The following EARS2 variants were observed in gnomAD, a reference collection of about 807,000 sequenced individuals.
EARS2 encodes the protein glutamyl-tRNA synthetase 2, mitochondrial.
A neutral mutation model predicts 54.1 loss-of-function variants in EARS2; 50 were observed. That is an observed-to-expected ratio of 0.92 (90% CI 0.74 to 1.17). EARS2 has a LOEUF of 1.17. Among genes scored for constraint, EARS2 ranks in the 50% most tolerant of loss-of-function variants. The pLI is 0.00. For synonymous variants in EARS2, 298 were observed against 281.0 expected (o/e 1.06, Z -0.61); for missense variants, 673 against 675.0 (o/e 1.00, Z 0.03).
At position 23,529,597 on chromosome 16, in the gene EARS2, T is replaced by G; in HGVS notation, c.1257A>C (p.Pro419=). The G allele has an allele frequency of 6.2e-7, 1 of 1,614,118 alleles. No individual in the cohort carries two copies. Among genetic ancestry groups the G allele is most frequent in the East Asian group, 2.2e-5 (1 of 44,882 alleles). ...GGCGAGTCCACAGGTAAGAGTATAC[T>G]GGGGACACCAAGTCCTGCAGGCGGC... ...HICRLQDLVS[P]VYSYLWTRPA... The change falls in exon 7 of 9, where the codon CCA becomes CCC. Residue 419 remains proline, a synonymous_variant. Transcript: ENST00000449606.
chr16:23,557,073 G>A, intron 1 of EARS2, 132 bp downstream of exon 1: 1 of 1,341,854 alleles, frequency 7.5e-7, no homozygotes, highest in Non-Finnish European at 1.0e-6. Flanking sequence ...TCTGTAAAAT[G>A]GGCTCGCGCT....
intron 5 of EARS2, 163 bp from the exon 6 acceptor site, chr16:23,530,060 G>C (rs1965298990): frequency 5.7e-6 from 5 of 880,008 alleles, no homozygotes; most frequent in Non-Finnish European, 6.8e-6. Flanking sequence ...AAAAGAAAGG[G>C]ATGTGACTAA....
At chr16:23,529,687 A>C in intron 6 of EARS2, 55 bp from the exon 7 acceptor site, 1 of 1,612,730 alleles carries the variant, frequency 6.2e-7, no homozygotes, top group Non-Finnish European at 8.5e-7. Context: ...GGAAGGCAGG[A>C]GGAATTGAGG....
rs371317036 is a variant in EARS2, at chr16:23,525,228, C to T, written c.1488+16G>A. ...AGGGGCTCCAGGGAACAATCCAACC[C>T]GTGTCCCTGCCTCACCTGCTGTCCA... On this transcript the variant is annotated intron_variant, in intron 8 of 8. Coordinates refer to ENST00000449606, the MANE Select transcript of EARS2 (RefSeq NM_001083614.2). 37 of 1,613,976 alleles carry T rather than the reference C, an allele frequency of 2.3e-5. No individual in the cohort carries two copies. The highest frequency in any genetic ancestry group is 3.3e-4 in the Middle Eastern group (2 of 6,082).
chr16:23,550,817 G>C (rs1965682880), intron 2 of EARS2: 1 of 152,090 alleles, frequency 6.6e-6, no homozygotes, highest in Non-Finnish European at 1.5e-5. Flanking sequence ...AAATAGTCTT[G>C]GGGTTTTTCT....
In EARS2 at chr16:23,524,378, GA is replaced by G; in HGVS notation, c.1564del (p.Ser522ProfsTer47). 6.2e-7 allele frequency: 1 copy of G among 1,614,062 alleles called. No individual in the cohort carries two copies. The highest frequency in any genetic ancestry group is 8.5e-7 in the Non-Finnish European group (1 of 1,179,946). ...EVRERIQKVV[S>X]S The stretch of plus-strand genomic sequence containing the variant: ...GCCCGAAACATCCTCTCCCTAGCTG[GA>G]AACCACCTTCTGGATCCGTTCCCGT... On this transcript the variant is annotated frameshift_variant, in exon 9 of 9. Coordinates refer to ENST00000449606, the MANE Select transcript of EARS2 (RefSeq NM_001083614.2). LOFTEE classifies it high-confidence loss of function.
intron 7 of EARS2, 137 bp from the exon 8 acceptor site, chr16:23,525,516 G>A (rs1022046910): frequency 9.9e-7 from 1 of 1,014,916 alleles, no homozygotes; most frequent in African/African-American, 1.6e-5. Flanking sequence ...AGGGAGGTGA[G>A]GAAGATATTG....
chr16:23,536,567 TG>T (rs1567382865), intron 3 of EARS2, among the ~76,000 whole-genome samples: 1 of 151,436 alleles, frequency 6.6e-6, no homozygotes, highest in Non-Finnish European at 1.5e-5. Context: ...GAGGCCAAGG[TG>T]GAAGAATCAC....
At chr16:23,543,496 C>T (rs1212083477) in intron 3 of EARS2, among the ~76,000 whole-genome samples, 1 of 151,440 alleles carries the variant, frequency 6.6e-6, no homozygotes, top group Non-Finnish European at 1.5e-5. Context: ...GCCTATAATC[C>T]TAACACTTTG....
chr16:23,527,710 C>T (rs1291834904), intron 7 of EARS2, among the ~76,000 whole-genome samples: 2 of 152,026 alleles, frequency 1.3e-5, no homozygotes, highest in Non-Finnish European at 2.9e-5. Flanking sequence ...CCCACCACCA[C>T]ACCCGGCTAA....
intron 3 of EARS2, among the ~76,000 whole-genome samples, chr16:23,537,794 CT>C (rs562913476): frequency 2.5e-3 from 349 of 137,318 alleles, no homozygotes; most frequent in Middle Eastern, 3.8e-3. Context: ...CTTTTTCTTT[CT>C]TTTTTTTTTT....
At chr16:23,530,169 A>C (rs923766704) in intron 5 of EARS2, among the ~76,000 whole-genome samples, 4 of 152,198 alleles carry the variant, frequency 2.6e-5, no homozygotes, top group Admixed American at 6.5e-5. Context: ...TCTGTTGCCC[A>C]GGTTGGAGTG....
intron 3 of EARS2, among the ~76,000 whole-genome samples, chr16:23,540,388 G>C (rs1268548856): frequency 6.6e-6 from 1 of 152,204 alleles, no homozygotes; most frequent in Non-Finnish European, 1.5e-5. Context: ...TAAACGTCAT[G>C]ACCTTGGCCA....
At position 23,525,936 on chromosome 16, in the gene EARS2, T is replaced by G. The variant is rs1311583964; in HGVS notation, c.1353-557A>C. Among the ~76,000 whole-genome samples the G allele has an allele frequency of 3.3e-5, 5 of 150,008 alleles. No homozygotes were observed. In the East Asian group the frequency reaches 8.1e-4, roughly 24 times the overall value. On this transcript the variant is annotated intron_variant, in intron 7 of 8. Coordinates refer to ENST00000449606, the MANE Select transcript of EARS2 (RefSeq NM_001083614.2). Reference sequence around the variant, plus strand: ...TTGCTTGAACCTGGGAGGAGGAGGTTGCAGTGAGCCGAGATTGCACCATTG... The same window carrying G: ...TTGCTTGAACCTGGGAGGAGGAGGTGGCAGTGAGCCGAGATTGCACCATTG...
At chr16:23,549,827 G>A (rs1469066317) in intron 2 of EARS2, among the ~76,000 whole-genome samples, 1 of 152,104 alleles carries the variant, frequency 6.6e-6, no homozygotes, top group Non-Finnish European at 1.5e-5. Flanking sequence ...TCTTTTTGAT[G>A]CTCCTCAAAT....
Position 23,535,162 on chromosome 16 carries a change from G to GT in EARS2, c.683dup (p.Tyr228Ter). Residue 228 changes from tyrosine to a stop codon, truncating the protein, a stop_gained and frameshift_variant, in exon 4 of 9, where the codon TAC becomes TAAC. Coordinates refer to ENST00000449606, the MANE Select transcript of EARS2 (RefSeq NM_001083614.2). LOFTEE classifies it high-confidence loss of function. ...GGTCGTCCACCACGCAGGCCAGGTG[G>GT]TATGTGGGGAAGCCGTCGCTCTTCA... Reference protein sequence around the residue: ...VIMKSDGFPTYHLACVVDDHH... With the variant: ...VIMKSDGFPT 6.2e-7 allele frequency: 1 copy of GT among 1,613,692 alleles called. No homozygotes were observed. Among genetic ancestry groups the GT allele is most frequent in the African/African-American group, 1.3e-5 (1 of 75,042 alleles).
In EARS2 at chr16:23,525,329, T is replaced by C; in HGVS notation, c.1403A>G (p.Glu468Gly). The change falls in exon 8 of 9, where the codon GAA becomes GGA. Residue 468 changes from glutamate to glycine, a missense_variant. Glu to Gly is a moderately conservative substitution (Grantham distance 98). This residue lies in a region of EARS2 where 338 missense variants were observed against 361.2 expected (regional missense o/e 0.94). Transcript: ENST00000449606. ...CAGACCTTCTGATAGCTTCTTCAGTTCTCCATTCAGCATATCCTGAGTTAA... is the reference window on the plus strand; with the variant it reads ...CAGACCTTCTGATAGCTTCTTCAGTCCTCCATTCAGCATATCCTGAGTTAA... ...MSLTQDMLNG[E>G]LKKLSEGLEG... is the part of the protein sequence containing the mutation. The C allele has an allele frequency of 6.2e-7, 1 of 1,614,014 alleles. No homozygotes were observed. Among genetic ancestry groups the C allele is most frequent in the Non-Finnish European group, 8.5e-7 (1 of 1,180,002 alleles).
chr16:23,539,975 C>T (rs1965485672), intron 3 of EARS2, among the ~76,000 whole-genome samples: 2 of 152,076 alleles, frequency 1.3e-5, no homozygotes, highest in African/African-American at 4.8e-5. Context: ...CACGGAGAAA[C>T]CCCGTCTCTA....
chr16:23,546,198 G>T (rs1055737070), intron 2 of EARS2, among the ~76,000 whole-genome samples: 1 of 152,148 alleles, frequency 6.6e-6, no homozygotes, highest in Non-Finnish European at 1.5e-5. Context: ...AATTCCCTCC[G>T]ATTACATAGG....
Sources: allele counts gnomAD v4.1 joint callset (sites outside exome capture counted in the v4.1 genomes callset), GRCh38; gene constraint gnomAD v4.1.1; regional missense constraint gnomAD v4.1.1; transcripts MANE v1.5; gene names NCBI Gene and HGNC (gene_info 2026-07-23, HGNC 2026-07-21).